Variants in SHLD1 observed in about 807,000 individuals in gnomAD.
The protein encoded by SHLD1 is RINN1-REV7-interacting novel NHEJ regulator 3.
A neutral mutation model predicts 5.5 loss-of-function variants in SHLD1; 3 were observed. That is an observed-to-expected ratio of 0.54 (90% CI 0.25 to 1.40). The LOEUF (loss-of-function observed/expected upper bound fraction) is 1.40. SHLD1 is among the 40% of genes most tolerant of loss of function. The pLI, the probability that SHLD1 is intolerant of heterozygous loss-of-function variation, is 0.15. For synonymous variants in SHLD1, 92 were observed against 94.3 expected (o/e 0.98, Z 0.14); for missense variants, 210 against 244.4 (o/e 0.86, Z 0.94).
chr20:5,848,000 G>A (rs1287072), intron 2 of SHLD1, among the ~76,000 whole-genome samples: 56,550 of 152,026 alleles, frequency 0.37, 12,764 homozygotes, highest in African/African-American at 0.64. Flanking sequence ...CTGTCTATCA[G>A]AAAAGAATGG....
intron 1 of SHLD1, among the ~76,000 whole-genome samples, chr20:5,767,427 C>T (rs572700887): frequency 9.2e-5 from 14 of 152,260 alleles, no homozygotes; most frequent in East Asian, 1.9e-4. Context: ...TATCAGCCAC[C>T]GCGCCTGGCC....
intron 2 of SHLD1, among the ~76,000 whole-genome samples, chr20:5,789,006 C>T (rs1392989031): frequency 3.3e-5 from 5 of 151,886 alleles, no homozygotes; most frequent in Admixed American, 3.3e-4. Context: ...TAGTGGCACG[C>T]ACCTGTAATC....
intron 2 of SHLD1, among the ~76,000 whole-genome samples, chr20:5,814,654 CT>C (rs148119460): frequency 0.015 from 1,540 of 103,806 alleles, 3 homozygotes; most frequent in African/African-American, 0.032. Context: ...TTTTCTTCTT[CT>C]TTTTTTTTTT....
At chr20:5,788,978 C>CAAAA in intron 2 of SHLD1, among the ~76,000 whole-genome samples, 1 of 151,764 alleles carries the variant, frequency 6.6e-6, no homozygotes, top group East Asian at 1.9e-4. Flanking sequence ...ACTAAAAATA[C>CAAAA]AAAAAATTAT....
chr20:5,852,610 C>T (rs145913231), intron 2 of SHLD1, among the ~76,000 whole-genome samples: 12 of 152,190 alleles, frequency 7.9e-5, no homozygotes, highest in South Asian at 2.1e-4. Flanking sequence ...CCACCACTCC[C>T]GGCTAACTTT....
chr20:5,809,363 G>C (rs1043463918), intron 2 of SHLD1, among the ~76,000 whole-genome samples: 3 of 151,988 alleles, frequency 2.0e-5, no homozygotes, highest in Non-Finnish European at 4.4e-5. Context: ...TTTGCTCTGA[G>C]CTCAGAGTTA....
chr20:5,854,948 A>C lies in SHLD1; in HGVS notation c.179-8076A>C, dbSNP rs569865293. ...AGTGGCAGTGGCGTGATCACAGTCCATTGCTGCCTTGATCTCCTGGACTCA... is the reference window on the plus strand; with the variant it reads ...AGTGGCAGTGGCGTGATCACAGTCCCTTGCTGCCTTGATCTCCTGGACTCA... On this transcript the variant is annotated intron_variant, in intron 2 of 2. Coordinates refer to ENST00000303142, the MANE Select transcript of SHLD1 (RefSeq NM_152504.4). 1.2e-4 allele frequency among the ~76,000 whole-genome samples: 17 copies of C among 147,440 alleles called. No individual in the cohort carries two copies. The South Asian group carries it at 3.6e-3, about 31-fold the overall frequency.
rs372009743 is a variant in SHLD1, at chr20:5,801,893, A to G, written c.178+28850A>G. ...TTTAATGTGCTATGGAAGTTACATA[A>G]GTCTCCACTATAAAGTTCCGTGTTC... On this transcript the variant is annotated intron_variant, in intron 2 of 2. Transcript: ENST00000303142. Among the ~76,000 whole-genome samples, 7 of 152,260 alleles carry G rather than the reference A, an allele frequency of 4.6e-5. No homozygotes were observed. In the East Asian group the frequency reaches 1.2e-3, roughly 25 times the overall value.
chr20:5,806,783 GTGT>G lies in SHLD1; in HGVS notation c.178+33748_178+33750del, dbSNP rs1283316077. Among the ~76,000 whole-genome samples the G allele has an allele frequency of 6.6e-6, 1 of 152,226 alleles. No individual in the cohort carries two copies. The highest frequency in any genetic ancestry group is 1.5e-5 in the Non-Finnish European group (1 of 68,036). ...TACCAACATTTCTTATTTACATCCTGTGTTGTTGTTTCTCCGCACCCAAGGGAT... is the reference window on the plus strand; with the variant it reads ...TACCAACATTTCTTATTTACATCCTGTGTTGTTTCTCCGCACCCAAGGGAT... On this transcript the variant is annotated intron_variant, in intron 2 of 2. Transcript: ENST00000303142. The surrounding 1 kb of genome is among the most constrained non-coding windows in gnomAD (Gnocchi z 7.6).
At chr20:5,775,277 A>G (rs1415925077) in intron 2 of SHLD1, among the ~76,000 whole-genome samples, 2 of 151,944 alleles carry the variant, frequency 1.3e-5, no homozygotes, top group East Asian at 3.9e-4. Context: ...TCTTGGCCTC[A>G]AGTGATCCTC....
chr20:5,831,309 G>A (rs941520002), intron 2 of SHLD1, among the ~76,000 whole-genome samples: 4 of 152,196 alleles, frequency 2.6e-5, no homozygotes, highest in African/African-American at 9.7e-5. Flanking sequence ...TCCTTTGGGG[G>A]TCAACTCAGG....
intron 2 of SHLD1, among the ~76,000 whole-genome samples, chr20:5,821,625 C>T (rs769574371): frequency 7.8e-4 from 117 of 150,722 alleles, no homozygotes; most frequent in Admixed American, 3.3e-3. Context: ...ACTCAAACAT[C>T]GATCATATCA....
At chr20:5,764,157 T>TATATATATA (rs1491519084) in intron 1 of SHLD1, among the ~76,000 whole-genome samples, 2 of 42,000 alleles carry the variant, frequency 4.8e-5, no homozygotes, top group Non-Finnish European at 9.9e-5. Flanking sequence ...TATATTTATA[T>TATATATATA]TTATATATAT....
intron 2 of SHLD1, among the ~76,000 whole-genome samples, chr20:5,805,708 C>G (rs1200601450): frequency 2.6e-5 from 4 of 152,158 alleles, no homozygotes; most frequent in Non-Finnish European, 5.9e-5. Flanking sequence ...TCAAATGATT[C>G]TCATGCCTCA....
intron 2 of SHLD1, among the ~76,000 whole-genome samples, chr20:5,779,886 G>C (rs756192671): frequency 2.0e-5 from 3 of 151,960 alleles, no homozygotes; most frequent in Non-Finnish European, 2.9e-5. Flanking sequence ...GTGAACTTGG[G>C]ACCTGGCTCC....
rs533313849 is a variant in SHLD1 at position 5,775,923 on chromosome 20, AT to A, written c.178+2902del. On this transcript the variant is annotated intron_variant, in intron 2 of 2. Coordinates refer to ENST00000303142, the MANE Select transcript of SHLD1 (RefSeq NM_152504.4). ...TGCAGTACTGCCTGGTCAGCTCAGG[AT>A]TTTTTTTTTTTTTTTTTTTTTGAGA... is the stretch of plus-strand genomic sequence containing the variant. Among the ~76,000 whole-genome samples, 83 of 77,684 alleles carry A rather than the reference AT, an allele frequency of 1.1e-3. 1 individual carries two copies. Among genetic ancestry groups the A allele is most frequent in the Middle Eastern group, 8.3e-3 (1 of 120 alleles). 51.0% of individuals were successfully genotyped at this position (77,684 alleles called of 152,430 possible).
chr20:5,789,362 A>G (rs1254114531), intron 2 of SHLD1, among the ~76,000 whole-genome samples: 1 of 152,054 alleles, frequency 6.6e-6, no homozygotes, highest in Non-Finnish European at 1.5e-5. Context: ...AGATCACCTA[A>G]GGTCAAGAGT....
At chr20:5,804,883 G>T (rs1378412944) in intron 2 of SHLD1, among the ~76,000 whole-genome samples, 1 of 152,174 alleles carries the variant, frequency 6.6e-6, no homozygotes, top group African/African-American at 2.4e-5. Flanking sequence ...ACAGAACTGT[G>T]TGCTGGTGGC....
At chr20:5,826,445 CA>C (rs77355613) in intron 2 of SHLD1, among the ~76,000 whole-genome samples, 1,822 of 122,116 alleles carry the variant, frequency 0.015, 13 homozygotes, top group African/African-American at 0.037. Context: ...TATGCACTGT[CA>C]AAAAAAAAAA....
Sources: allele counts gnomAD v4.1 joint callset (sites outside exome capture counted in the v4.1 genomes callset), GRCh38; gene constraint gnomAD v4.1.1; non-coding constraint Gnocchi (gnomAD v3.1); transcripts MANE v1.5; gene names NCBI Gene and HGNC (gene_info 2026-07-23, HGNC 2026-07-21).